UPRT: variants seen among roughly 807,000 people sequenced by gnomAD.
UPRT encodes uracil phosphoribosyltransferase homolog, also known as RP11-311P8.3.
Under a neutral mutation model 22.6 loss-of-function variants are expected in UPRT, and 5 were observed. The observed-to-expected ratio is 0.22, with a 90% CI of 0.12 to 0.47. The LOEUF (loss-of-function observed/expected upper bound fraction) is 0.47. Among genes scored for constraint, UPRT ranks in the 20% least tolerant of loss-of-function variants. The pLI is 0.99. For missense variants in UPRT, 181 were observed against 239.9 expected, an observed-to-expected ratio of 0.75 and a Z score of 1.62; for synonymous variants, 77 against 87.7, an observed-to-expected ratio of 0.88 and a Z score of 0.68.
chrX:75,167,200 A>G (rs987950533), intron 3 of UPRT, among the ~76,000 whole-genome samples: 9 of 111,982 alleles, frequency 8.0e-5, no homozygotes, highest in African/African-American at 2.3e-4. Context: ...CACTTTCCCT[A>G]TGAAATTTAG....
chrX:75,223,921 T>G (rs1022035934), intron 4 of UPRT, among the ~76,000 whole-genome samples: 1 of 111,833 alleles, frequency 8.9e-6, no homozygotes, highest in Non-Finnish European at 1.9e-5. Flanking sequence ...GTCATCTTGC[T>G]TTACCTCCTA....
In UPRT at chrX:75,303,580, G is replaced by C. The variant is rs1042543942; in HGVS notation, c.*69G>C. 3.3e-6 allele frequency: 3 copies of C among 915,240 alleles called. No homozygotes were observed. Among genetic ancestry groups the C allele is most frequent in the Non-Finnish European group, 4.5e-6 (3 of 663,815 alleles). 75.4% of individuals were successfully genotyped at this position (915,240 alleles called of 1,213,427 possible). A position where few individuals can be genotyped will look rare whatever the true frequency, so the allele number is the denominator to read the frequency against. On this transcript the variant is annotated 3_prime_UTR_variant, in exon 7 of 7. Transcript: ENST00000373383. ...GTTTTGATTTTCTATTTGTTTTACTGATTCACTTGAGGGTGGCAGAGAAAA... is the reference window on the plus strand; with the variant it reads ...GTTTTGATTTTCTATTTGTTTTACTCATTCACTTGAGGGTGGCAGAGAAAA...
rs930400420 is a variant in UPRT, at chrX:75,264,707, T to C, written c.-446-26317T>C. On this transcript the variant is annotated intron_variant, in intron 4 of 13. Coordinates refer to the UPRT transcript ENST00000652605. ...CATTTACATTTAATGTTAATATTGT[T>C]ATGTGTGAATTTGATCCTGTCATTA... 7.2e-5 allele frequency among the ~76,000 whole-genome samples: 8 copies of C among 111,800 alleles called. No individual in the cohort carries two copies. The East Asian group carries it at 2.2e-3, about 31-fold the overall frequency.
chrX:75,245,681 T>G (rs990994519), intron 4 of UPRT, among the ~76,000 whole-genome samples: 1 of 111,852 alleles, frequency 8.9e-6, no homozygotes, highest in African/African-American at 3.3e-5. Flanking sequence ...CTTAGCAAAC[T>G]AATACAGGAA....
intron 4 of UPRT, among the ~76,000 whole-genome samples, chrX:75,247,668 G>C (rs1460767441): frequency 8.9e-6 from 1 of 112,678 alleles, no homozygotes; most frequent in Non-Finnish European, 1.9e-5. Flanking sequence ...ACAAACAAAA[G>C]GCAGCAGTAA....
chrX:75,218,222 GT>G lies in UPRT; in HGVS notation c.-447+50344del, dbSNP rs1242397169. Among the ~76,000 whole-genome samples, 152 of 111,132 alleles carry G rather than the reference GT, an allele frequency of 1.4e-3. 1 individual carries two copies. Among genetic ancestry groups the G allele is most frequent in the Non-Finnish European group, 5.9e-4 (31 of 52,792 alleles). On this transcript the variant is annotated intron_variant, in intron 4 of 13. Transcript: ENST00000652605. ...AACAAACAACCCCATCAAAAAGTGGGTGAAGGACATGAACAGACACTTCTCA... is the reference window on the plus strand; with the variant it reads ...AACAAACAACCCCATCAAAAAGTGGGGAAGGACATGAACAGACACTTCTCA...
At chrX:75,273,055 C>T (rs935792247), upstream of UPRT, among the ~76,000 whole-genome samples, 1 of 111,475 alleles carries the variant, frequency 9.0e-6, no homozygotes, top group Non-Finnish European at 1.9e-5. Flanking sequence ...GCCTATTATC[C>T]TTAGCAAACT....
At chrX:75,256,335 A>G (rs1413136134) in intron 4 of UPRT, among the ~76,000 whole-genome samples, 2 of 111,793 alleles carry the variant, frequency 1.8e-5, no homozygotes, top group Non-Finnish European at 3.8e-5. Flanking sequence ...GTGACAAAAC[A>G]TATCAAATCC....
At chrX:75,243,136 A>G (rs1320594503) in intron 4 of UPRT, among the ~76,000 whole-genome samples, 1 of 111,107 alleles carries the variant, frequency 9.0e-6, no homozygotes, top group East Asian at 2.8e-4. Context: ...TGCTGTTAGT[A>G]TCTTTGGTGA....
chrX:75,220,630 T>C (rs1205501910), intron 4 of UPRT, among the ~76,000 whole-genome samples: 1 of 111,680 alleles, frequency 9.0e-6, no homozygotes, highest in Non-Finnish European at 1.9e-5. Context: ...GTATAACCCA[T>C]TATTTTAAAC....
At position 75,232,248 on chromosome X, in the gene UPRT, G is replaced by A. The variant is rs896035316; in HGVS notation, c.-446-58776G>A. On this transcript the variant is annotated intron_variant, in intron 4 of 13. Transcript: ENST00000652605. ...TTTTCCGATGGGCTTAAAAAACGGC[G>A]CACAGGGAGATTATATCCCGCACAT... 5.3e-5 allele frequency among the ~76,000 whole-genome samples: 6 copies of A among 112,488 alleles called. No homozygotes were observed. The East Asian group carries it at 8.4e-4, about 16-fold the overall frequency.
Position 75,185,100 on chromosome X carries a change from G to T in UPRT, c.-447+17221G>T, listed in dbSNP as rs770672095. ...GAGAGGGCATCCCTGTCTTGTGCCA[G>T]TTTTCAAAGGGAATGCTCCGAGGTT... is the stretch of plus-strand genomic sequence containing the variant. On this transcript the variant is annotated intron_variant, in intron 4 of 13. Transcript: ENST00000652605. 3.3e-3 allele frequency among the ~76,000 whole-genome samples: 370 copies of T among 111,777 alleles called. 2 individuals carry two copies. Among genetic ancestry groups the T allele is most frequent in the African/African-American group, 0.011 (353 of 30,704 alleles).
intron 4 of UPRT, among the ~76,000 whole-genome samples, chrX:75,249,437 C>G (rs755136095): frequency 4.5e-5 from 5 of 111,324 alleles, no homozygotes; most frequent in Non-Finnish European, 9.4e-5. Flanking sequence ...AGATTTTAAA[C>G]CAACAAAGAT....
chrX:75,296,233 A>G, intron 2 of UPRT, 109 bp from the exon 3 acceptor site: 1 of 730,727 alleles, frequency 1.4e-6, no homozygotes, highest in Non-Finnish European at 2.0e-6. Flanking sequence ...CACAAGTGAA[A>G]CCTTTGCCTA....
chrX:75,227,472 C>A (rs1449222807), intron 4 of UPRT, among the ~76,000 whole-genome samples: 2 of 111,399 alleles, frequency 1.8e-5, no homozygotes, highest in African/African-American at 3.3e-5. Context: ...ACATGGAACC[C>A]TGGAGCCCTA....
chrX:75,172,302 G>A (rs1450613627), intron 4 of UPRT, among the ~76,000 whole-genome samples: 1 of 111,109 alleles, frequency 9.0e-6, no homozygotes, highest in Non-Finnish European at 1.9e-5. Context: ...AATCAATGGA[G>A]TTATGTTCCC....
At chrX:75,238,493 C>G (rs944278873) in intron 4 of UPRT, among the ~76,000 whole-genome samples, 3 of 111,532 alleles carry the variant, frequency 2.7e-5, no homozygotes, top group African/African-American at 6.5e-5. Flanking sequence ...TATTTACTAC[C>G]AGACCTAAGA....
intron 4 of UPRT, among the ~76,000 whole-genome samples, chrX:75,205,845 G>T (rs756022463): frequency 1.8e-5 from 2 of 111,743 alleles, no homozygotes; most frequent in East Asian, 5.7e-4. Context: ...AGGGGGAGCA[G>T]ATACAGGGAG....
At chrX:75,220,753 T>C (rs2082407373) in intron 4 of UPRT, among the ~76,000 whole-genome samples, 1 of 112,100 alleles carries the variant, frequency 8.9e-6, no homozygotes, top group South Asian at 3.7e-4. Flanking sequence ...TTGTTTTTTC[T>C]ATTTATGTCT....
Sources: allele counts gnomAD v4.1 joint callset (sites outside exome capture counted in the v4.1 genomes callset), GRCh38; gene constraint gnomAD v4.1.1; transcripts MANE v1.5; gene names NCBI Gene and HGNC (gene_info 2026-07-23, HGNC 2026-07-21).